Variants in ZNF407 observed in about 807,000 individuals in gnomAD.
ZNF407 encodes the protein zinc finger protein 407.
Under a neutral mutation model 131.2 loss-of-function variants are expected in ZNF407, and 17 were observed. The ratio of observed to expected loss-of-function variants is 0.13; its 90% CI spans 0.09 to 0.19. The LOEUF is 0.19. Ranked by LOEUF, ZNF407 falls within the 10% of genes least tolerant of loss-of-function variation. ZNF407 has a pLI of 1.00. For synonymous variants in ZNF407, 1,156 were observed against 1,062.0 expected (o/e 1.09, Z -1.72); for missense variants, 2,681 against 2,830.6 (o/e 0.95, Z 1.20).
chr18:74,767,720 T>G (rs937563620), intron 3 of ZNF407, among the ~76,000 whole-genome samples: 20 of 149,166 alleles, frequency 1.3e-4, no homozygotes, highest in Non-Finnish European at 2.5e-4. Context: ...GTGGTGCGAT[T>G]TCGGCTCACT....
In ZNF407 at chr18:74,748,720, G is replaced by T. The variant is rs1388356921; in HGVS notation, c.4803-32708G>T. 2.6e-5 allele frequency among the ~76,000 whole-genome samples: 4 copies of T among 152,182 alleles called. No individual in the cohort carries two copies. In the South Asian group the frequency reaches 8.3e-4, roughly 32 times the overall value. On this transcript the variant is annotated intron_variant, in intron 3 of 8. Coordinates refer to ENST00000299687, the MANE Select transcript of ZNF407 (RefSeq NM_017757.3). ...TGTACCATTAAAAGACTTCATTATGGCAGTATCCTATGATCTTCACATCAA... is the reference window on the plus strand; with the variant it reads ...TGTACCATTAAAAGACTTCATTATGTCAGTATCCTATGATCTTCACATCAA...
chr18:74,881,483 T>C (rs1971237521), intron 6 of ZNF407, among the ~76,000 whole-genome samples: 1 of 152,018 alleles, frequency 6.6e-6, no homozygotes, highest in Non-Finnish European at 1.5e-5. Context: ...CCAGTCTCCC[T>C]CTCAGTCATT....
At chr18:74,891,788 T>C (rs982506911) in intron 7 of ZNF407, among the ~76,000 whole-genome samples, 1 of 152,142 alleles carries the variant, frequency 6.6e-6, no homozygotes, top group Admixed American at 6.5e-5. Context: ...CATTAGAAAA[T>C]TACAAGAATT....
intron 3 of ZNF407, among the ~76,000 whole-genome samples, chr18:74,661,913 G>T (rs1365185743): frequency 6.6e-6 from 1 of 152,124 alleles, no homozygotes; most frequent in Non-Finnish European, 1.5e-5. Context: ...GTATTTGTTT[G>T]AAGTAGTTCT....
intron 8 of ZNF407, among the ~76,000 whole-genome samples, chr18:74,991,824 C>T (rs996546271): frequency 6.6e-6 from 1 of 152,194 alleles, no homozygotes; most frequent in Non-Finnish European, 1.5e-5. Flanking sequence ...TCAGCCAAGT[C>T]CCTTCAGGAG....
chr18:74,977,261 G>T (rs576592694), intron 8 of ZNF407, among the ~76,000 whole-genome samples: 1 of 152,350 alleles, frequency 6.6e-6, no homozygotes, highest in African/African-American at 2.4e-5. Flanking sequence ...ATCAGCGTCA[G>T]CAATGCCTTC....
At chr18:74,608,126 C>T (rs1203168704) in intron 1 of ZNF407, among the ~76,000 whole-genome samples, 1 of 152,166 alleles carries the variant, frequency 6.6e-6, no homozygotes, top group Non-Finnish European at 1.5e-5. Flanking sequence ...CTAGAAAGTT[C>T]CTATGTATAT....
chr18:74,944,453 A>G (rs1972132838), intron 8 of ZNF407, among the ~76,000 whole-genome samples: 1 of 152,198 alleles, frequency 6.6e-6, no homozygotes, highest in Non-Finnish European at 1.5e-5. Flanking sequence ...AATCTGTAGA[A>G]TTGCAGGATG....
intron 3 of ZNF407, among the ~76,000 whole-genome samples, chr18:74,766,326 G>T (rs1969231388): frequency 6.6e-6 from 1 of 152,188 alleles, no homozygotes; most frequent in Non-Finnish European, 1.5e-5. Context: ...TTCCACAGAA[G>T]CTGGGTCCCA....
intron 4 of ZNF407, among the ~76,000 whole-genome samples, chr18:74,869,608 G>A (rs1971059399): frequency 6.6e-6 from 1 of 152,108 alleles, no homozygotes; most frequent in Admixed American, 6.6e-5. Flanking sequence ...ATTCAGTGTG[G>A]GTTCTTTTAC....
At chr18:74,889,816 T>C (rs1971360092) in intron 6 of ZNF407, 102 bp from the exon 7 acceptor site, 1 of 1,087,784 alleles carries the variant, frequency 9.2e-7, no homozygotes, top group Admixed American at 2.6e-5. Context: ...ATTCTTGACA[T>C]TTCATGGAAA....
rs1442713033 is a variant in ZNF407 at position 74,780,023 on chromosome 18, A to AT, written c.4803-1405_4803-1404insT. On this transcript the variant is annotated intron_variant, in intron 3 of 8. Transcript: ENST00000299687. ...GCAGAAACAAATACAGAATTTTTGTACTTTTTTTTGCTCAGCATTTAATAT... is the reference window on the plus strand; with the variant it reads ...GCAGAAACAAATACAGAATTTTTGTATCTTTTTTTTGCTCAGCATTTAATAT... Among the ~76,000 whole-genome samples the AT allele has an allele frequency of 7.1e-3, 78 of 11,036 alleles. No individual in the cohort carries two copies. The Non-Finnish European group carries it at 0.12, about 17-fold the overall frequency. The allele number at this position is 11,036 out of a possible 152,430, so 7.2% of individuals were successfully genotyped here. A position where few individuals can be genotyped will look rare whatever the true frequency, so the allele number is the denominator to read the frequency against.
At chr18:74,769,265 G>A (rs1036213362) in intron 3 of ZNF407, among the ~76,000 whole-genome samples, 1 of 152,182 alleles carries the variant, frequency 6.6e-6, no homozygotes, top group African/African-American at 2.4e-5. Flanking sequence ...AAGCACATCT[G>A]TGTGTGTATT....
At chr18:74,761,147 C>T (rs1056314534) in intron 3 of ZNF407, among the ~76,000 whole-genome samples, 1 of 151,990 alleles carries the variant, frequency 6.6e-6, no homozygotes, top group Non-Finnish European at 1.5e-5. Flanking sequence ...TTTAAATTTA[C>T]TTTATATTTA....
At chr18:75,056,384 A>G (rs536373934) in intron 8 of ZNF407, among the ~76,000 whole-genome samples, 59 of 152,326 alleles carry the variant, frequency 3.9e-4, no homozygotes, top group African/African-American at 1.3e-3. Context: ...GTTCTTAAAA[A>G]CTTTTTTAAA....
intron 4 of ZNF407, among the ~76,000 whole-genome samples, chr18:74,842,309 A>C (rs1315948407): frequency 6.6e-6 from 1 of 152,230 alleles, no homozygotes; most frequent in Non-Finnish European, 1.5e-5. Context: ...ATAAATTTAC[A>C]GCCTCTTTGA....
chr18:74,913,159 T>C (rs1489033066), intron 7 of ZNF407, among the ~76,000 whole-genome samples: 1 of 152,220 alleles, frequency 6.6e-6, no homozygotes, highest in Non-Finnish European at 1.5e-5. Flanking sequence ...TATGGCAGAA[T>C]TTATCAGAAT....
intron 1 of ZNF407, among the ~76,000 whole-genome samples, chr18:74,617,366 G>T: frequency 6.6e-6 from 1 of 152,284 alleles, no homozygotes. Flanking sequence ...GGCCTAAAAT[G>T]TCCTCAATAG....
At chr18:74,763,817 C>T (rs1390423430) in intron 3 of ZNF407, among the ~76,000 whole-genome samples, 2 of 147,370 alleles carry the variant, frequency 1.4e-5, no homozygotes, top group African/African-American at 5.0e-5. Flanking sequence ...TCACGCCATT[C>T]TCCTGCCTCA....
Sources: gnomAD v4.1 joint callset for allele counts (sites outside exome capture counted in the v4.1 genomes callset) on GRCh38, gnomAD v4.1.1 for gene constraint, MANE v1.5 for transcripts, NCBI Gene and HGNC (gene_info 2026-07-23, HGNC 2026-07-21) for gene names.